Variants in DARS2 observed in about 807,000 individuals in gnomAD.
DARS2 encodes the protein aspartate--tRNA ligase, mitochondrial.
Under a neutral mutation model 83.0 loss-of-function variants are expected in DARS2, and 63 were observed. The observed-to-expected ratio is 0.76, with a 90% CI of 0.62 to 0.94. The LOEUF (loss-of-function observed/expected upper bound fraction) is 0.94, where lower values mean the gene tolerates loss of function less well. DARS2 is among the 40% of genes least tolerant of loss of function. The pLI, the probability that DARS2 is intolerant of heterozygous loss-of-function variation, is 0.00. For missense variants in DARS2, 675 were observed against 774.4 expected (o/e 0.87, Z 1.52); for synonymous variants, 250 against 269.3 (o/e 0.93, Z 0.70).
rs950859424 is a variant in DARS2 at position 173,824,752 on chromosome 1, T to C, written c.-478T>C. On this transcript the variant is annotated 5_prime_UTR_variant, in exon 1 of 17. Coordinates refer to ENST00000649689, the MANE Select transcript of DARS2 (RefSeq NM_018122.5). ...ATTTTGGCTTTGCTCGCCTTCCTCT[T>C]TCAGAAGACTCGAAATCGGCCAGCA... 3.7e-5 allele frequency: 7 copies of C among 188,728 alleles called. No individual in the cohort carries two copies. The highest frequency in any genetic ancestry group is 7.9e-5 in the Non-Finnish European group (7 of 88,322). The allele number at this position is 188,728 out of a possible 1,614,324, so 11.7% of individuals were successfully genotyped here. A position where few individuals can be genotyped will look rare whatever the true frequency, so the allele number is the denominator to read the frequency against.
chr1:173,842,317 TAGA>T (rs1653258814), intron 11 of DARS2, among the ~76,000 whole-genome samples: 10 of 116,624 alleles, frequency 8.6e-5, no homozygotes, highest in Non-Finnish European at 1.3e-4. Flanking sequence ...TTTTTTTTTT[TAGA>T]GTGAGTCTTG....
At chr1:173,842,770 T>C (rs1298130275) in intron 11 of DARS2, among the ~76,000 whole-genome samples, 3 of 151,196 alleles carry the variant, frequency 2.0e-5, no homozygotes, top group Admixed American at 2.0e-4. Flanking sequence ...AAACCCTGTC[T>C]CTACTAAAAA....
chr1:173,838,939 GT>G (rs1653107734), intron 9 of DARS2, among the ~76,000 whole-genome samples: 2 of 152,096 alleles, frequency 1.3e-5, no homozygotes, highest in African/African-American at 4.8e-5. Flanking sequence ...GTTTGACCAT[GT>G]TGGCCAGGAT....
chr1:173,851,838 A>C (rs747716596), intron 13 of DARS2: 128 of 985,298 alleles, frequency 1.3e-4, no homozygotes, highest in Non-Finnish European at 1.5e-4. Flanking sequence ...TTCCACAGAA[A>C]AAGTTTCAGA....
At position 173,839,636 on chromosome 1, in the gene DARS2, T is replaced by C. The variant is rs1039032235; in HGVS notation, c.1020+90T>C. 15 of 1,249,698 alleles carry C rather than the reference T, an allele frequency of 1.2e-5. No individual in the cohort carries two copies. The African/African-American group carries it at 1.9e-4, about 16-fold the overall frequency. 77.4% of individuals were successfully genotyped at this position (1,249,698 alleles called of 1,614,324 possible). A position where few individuals can be genotyped will look rare whatever the true frequency, so the allele number is the denominator to read the frequency against. ...TGAAATTGACAAGTGTTACACACTG[T>C]TAGATGATATTTTTGTTGTTACCTT... On this transcript the variant is annotated intron_variant, in intron 10 of 16. Transcript: ENST00000649689.
rs1304745729 is a variant in DARS2 at position 173,842,317 on chromosome 1, T to TTTTTTTTTG, written c.1128+1344_1128+1345insTTTTTTTTG. Among the ~76,000 whole-genome samples the TTTTTTTTTG allele has an allele frequency of 9.1e-4, 106 of 116,624 alleles. 18 individuals are homozygous for TTTTTTTTTG. Among genetic ancestry groups the TTTTTTTTTG allele is most frequent in the African/African-American group, 4.0e-3 (94 of 23,538 alleles). 76.5% of individuals were successfully genotyped at this position (116,624 alleles called of 152,430 possible). On this transcript the variant is annotated intron_variant, in intron 11 of 16. Coordinates refer to ENST00000649689, the MANE Select transcript of DARS2 (RefSeq NM_018122.5). ...TTTTTTTTTTTTTTTTTTTTTTTTT[T>TTTTTTTTTG]AGAGTGAGTCTTGCTCTGTCGCCCA...
intron 14 of DARS2, 64 bp from the exon 15 acceptor site, chr1:173,853,731 C>T (rs1483632006): frequency 2.6e-6 from 4 of 1,530,036 alleles, no homozygotes; most frequent in African/African-American, 1.4e-5. Context: ...TCTACAGGGT[C>T]TTCAACCCGT....
chr1:173,838,352 T>G, intron 9 of DARS2, 93 bp downstream of exon 9: 1 of 880,434 alleles, frequency 1.1e-6, no homozygotes, highest in Admixed American at 2.0e-5. Flanking sequence ...ACTTTACTTC[T>G]CATTACATTT....
In DARS2 at chr1:173,830,777, G is replaced by T. The variant is rs762657901; in HGVS notation, c.396+16G>T. Reference sequence around the variant, plus strand: ...AGAGAATCCAGTAGGTAGTTTCGAAGATATCTGTGTAATTTTTGCTTGTAT... The same window carrying T: ...AGAGAATCCAGTAGGTAGTTTCGAATATATCTGTGTAATTTTTGCTTGTAT... On this transcript the variant is annotated intron_variant, in intron 4 of 16. Transcript: ENST00000649689. 4 of 1,604,896 alleles carry T rather than the reference G, an allele frequency of 2.5e-6. No homozygotes were observed. In the African/African-American group the frequency reaches 5.4e-5, roughly 21 times the overall value.
At chr1:173,852,319 C>A in intron 13 of DARS2, 1 of 825,116 alleles carries the variant, frequency 1.2e-6, no homozygotes, top group Non-Finnish European at 1.5e-6. Flanking sequence ...ACTTTGTATA[C>A]ATTAACTCAT....
At chr1:173,843,812 A>C (rs1308860383) in intron 11 of DARS2, among the ~76,000 whole-genome samples, 1 of 152,220 alleles carries the variant, frequency 6.6e-6, no homozygotes, top group Non-Finnish European at 1.5e-5. Flanking sequence ...GCTAGAGGGC[A>C]GTGCCAGTGT....
Position 173,845,549 on chromosome 1 carries a change from T to C in DARS2, c.1191+258T>C, listed in dbSNP as rs201700755. Among the ~76,000 whole-genome samples the C allele has an allele frequency of 6.0e-4, 91 of 152,324 alleles. 2 individuals are homozygous for C. The East Asian group carries it at 0.015, about 25-fold the overall frequency. ...TAGGCTCAAGCAATGCTCCTGCCTCTTTCTCTCAAGTAGCTAGGACTACAG... is the reference window on the plus strand; with the variant it reads ...TAGGCTCAAGCAATGCTCCTGCCTCCTTCTCTCAAGTAGCTAGGACTACAG... On this transcript the variant is annotated intron_variant, in intron 12 of 16. Coordinates refer to ENST00000649689, the MANE Select transcript of DARS2 (RefSeq NM_018122.5).
chr1:173,850,520 G>T, intron 13 of DARS2, 41 bp downstream of exon 13: 1 of 1,593,500 alleles, frequency 6.3e-7, no homozygotes, highest in South Asian at 1.1e-5. Context: ...TGTTGATGCT[G>T]AACAATGCCT....
At chr1:173,844,778 A>AT (rs1164469532) in intron 11 of DARS2, among the ~76,000 whole-genome samples, 3,785 of 56,860 alleles carry the variant, frequency 0.067, 1,144 homozygotes, top group Non-Finnish European at 0.086. Flanking sequence ...CAGAAATTGG[A>AT]TTTTTTTTTT....
intron 13 of DARS2, chr1:173,851,886 C>T: frequency 1.0e-6 from 1 of 985,386 alleles, no homozygotes; most frequent in Non-Finnish European, 1.2e-6. Flanking sequence ...CCCGTCTCCC[C>T]TTCCCCTACA....
intron 13 of DARS2, chr1:173,851,943 G>A (rs2102660955): frequency 3.0e-6 from 3 of 985,024 alleles, no homozygotes; most frequent in Non-Finnish European, 3.6e-6. Flanking sequence ...TATTATGAAT[G>A]CATTTCTTAA....
chr1:173,844,656 C>G (rs1297919473), intron 11 of DARS2, among the ~76,000 whole-genome samples: 1 of 88,654 alleles, frequency 1.1e-5, no homozygotes, highest in Non-Finnish European at 2.0e-5. Context: ...GGTGACAGAG[C>G]TAGACTCCAT....
intron 11 of DARS2, among the ~76,000 whole-genome samples, chr1:173,842,133 G>A (rs1349959328): frequency 6.6e-6 from 1 of 152,052 alleles, no homozygotes; most frequent in Non-Finnish European, 1.5e-5. Flanking sequence ...TTTTCTGTAG[G>A]TAGTACATCT....
intron 10 of DARS2, among the ~76,000 whole-genome samples, chr1:173,840,239 C>CT (rs1305635664): frequency 2.6e-5 from 4 of 152,260 alleles, no homozygotes; most frequent in Non-Finnish European, 5.9e-5. Context: ...AATAGTGGTT[C>CT]TTTTTTTGTA....
Sources: allele counts gnomAD v4.1 joint callset (sites outside exome capture counted in the v4.1 genomes callset), GRCh38; gene constraint gnomAD v4.1.1; transcripts MANE v1.5; gene names NCBI Gene and HGNC (gene_info 2026-07-23, HGNC 2026-07-21).